DST: variants seen among roughly 807,000 people sequenced by gnomAD.
The protein encoded by DST is dystonin, also known as bullous pemphigoid antigen.
A neutral mutation model predicts 875.2 loss-of-function variants in DST; 253 were observed. The observed-to-expected ratio is 0.29, with a 90% CI of 0.26 to 0.32. The LOEUF (loss-of-function observed/expected upper bound fraction) is 0.32, where lower values mean the gene tolerates loss of function less well. Ranked by LOEUF, DST falls within the 10% of genes least tolerant of loss-of-function variation. DST has a pLI of 1.00. For missense variants in DST, 8,287 were observed against 9,111.6 expected, an observed-to-expected ratio of 0.91 and a Z score of 3.68; for synonymous variants, 3,124 against 3,197.1, an observed-to-expected ratio of 0.98 and a Z score of 0.77.
intron 4 of DST, among the ~76,000 whole-genome samples, chr6:56,821,084 T>G (rs1018285000): frequency 6.6e-6 from 1 of 152,220 alleles, no homozygotes; most frequent in African/African-American, 2.4e-5. Context: ...TGCCAAACTG[T>G]CATCAGATAC....
intron 47 of DST, among the ~76,000 whole-genome samples, chr6:56,595,154 C>T (rs1480941410): frequency 2.0e-5 from 3 of 152,200 alleles, no homozygotes; most frequent in Admixed American, 1.3e-4. Flanking sequence ...AGCCAAATGA[C>T]CCGCTCCCAT....
chr6:56,843,732 G>C (rs2099803625), intron 4 of DST: 1 of 126,276 alleles, frequency 7.9e-6, no homozygotes, highest in Non-Finnish European at 1.2e-5. Flanking sequence ...AGGGTGGAGA[G>C]TGGAGGGTGG....
intron 2 of DST, among the ~76,000 whole-genome samples, chr6:56,932,120 G>C (rs1810650741): frequency 6.6e-6 from 1 of 152,178 alleles, no homozygotes; most frequent in Admixed American, 6.5e-5. Context: ...CCCATGTGTT[G>C]TGGGAAGGAT....
At chr6:56,751,273 G>T (rs985505582) in intron 4 of DST, among the ~76,000 whole-genome samples, 1 of 152,022 alleles carries the variant, frequency 6.6e-6, no homozygotes, top group South Asian at 2.1e-4. Flanking sequence ...AAAAGATTAC[G>T]CATTGATTAA....
chr6:56,856,480 CA>C (rs200121381), intron 3 of DST, among the ~76,000 whole-genome samples: 4 of 151,486 alleles, frequency 2.6e-5, no homozygotes, highest in Non-Finnish European at 4.4e-5. Flanking sequence ...AAATATTCAC[CA>C]AAAAAAACCC....
rs1564002899 is a variant in DST, at chr6:56,751,444, AT to A, written c.626-16156del. Among the ~76,000 whole-genome samples the A allele has an allele frequency of 3.3e-5, 5 of 150,190 alleles. No individual in the cohort carries two copies. In the East Asian group the frequency reaches 5.8e-4, roughly 17 times the overall value. On this transcript the variant is annotated intron_variant, in intron 4 of 103. Coordinates refer to ENST00000680361, the MANE Select transcript of DST (RefSeq NM_001374736.1). ...TCCAATTTTTCTTCAAAGAATATCT[AT>A]TTTTTAACAATTATTTTTTTACAGC...
chr6:56,565,003 CA>C (rs1363985494), intron 55 of DST, among the ~76,000 whole-genome samples: 1 of 152,002 alleles, frequency 6.6e-6, no homozygotes, highest in East Asian at 1.9e-4. Context: ...CGATGTTCAT[CA>C]GGGATCTTGG....
intron 68 of DST, among the ~76,000 whole-genome samples, chr6:56,526,768 C>G (rs1036604726): frequency 6.6e-6 from 1 of 150,410 alleles, no homozygotes; most frequent in Non-Finnish European, 1.5e-5. Context: ...CTGAGAAGTT[C>G]AAAGAACAAT....
At chr6:56,707,007 A>C (rs2099343768) in intron 5 of DST, among the ~76,000 whole-genome samples, 1 of 152,184 alleles carries the variant, frequency 6.6e-6, no homozygotes, top group African/African-American at 2.4e-5. Context: ...TCTGTCTCAA[A>C]AAACAAACAA....
rs2095439766 is a variant in DST, at chr6:56,482,655, AC to A, written c.21402+27del. 3.1e-6 allele frequency: 5 copies of A among 1,598,006 alleles called. No individual in the cohort carries two copies. The South Asian group carries it at 4.5e-5, about 14-fold the overall frequency. Reference sequence around the variant, plus strand: ...GAGGTTTCAATACTTTTCCCATTACACCCAGCTCTCATTTACATGGTTTTTA... The same window carrying A: ...GAGGTTTCAATACTTTTCCCATTACACCAGCTCTCATTTACATGGTTTTTA... On this transcript the variant is annotated intron_variant, in intron 89 of 103. Coordinates refer to ENST00000680361, the MANE Select transcript of DST (RefSeq NM_001374736.1).
chr6:56,605,825 CAA>C lies in DST; in HGVS notation c.8801_8802del (p.Phe2934TrpfsTer8), dbSNP rs769014189. 6.2e-7 allele frequency: 1 copy of C among 1,612,270 alleles called. No individual in the cohort carries two copies. Among genetic ancestry groups the C allele is most frequent in the Non-Finnish European group, 8.5e-7 (1 of 1,179,144 alleles). ...IIKDTESEKT[F>X]GPASISHDNN... ...TTATCATGTGAAATACTTGCAGGGCCAAAAGTTTTTTCAGATTCAGTGTCTTT... is the reference window on the plus strand; with the variant it reads ...TTATCATGTGAAATACTTGCAGGGCCAAGTTTTTTCAGATTCAGTGTCTTT... On this transcript the variant is annotated frameshift_variant, in exon 40 of 104. Transcript: ENST00000680361. LOFTEE classifies it high-confidence loss of function.
chr6:56,742,981 C>G (rs965414167), intron 4 of DST, among the ~76,000 whole-genome samples: 1 of 152,182 alleles, frequency 6.6e-6, no homozygotes, highest in African/African-American at 2.4e-5. Flanking sequence ...GATTAACAAT[C>G]TAGCCTAAAA....
rs1461201446 is a variant in DST at position 56,636,562 on chromosome 6, A to G, written c.3055T>C (p.Phe1019Leu). 1 of 1,612,530 alleles carries G rather than the reference A, an allele frequency of 6.2e-7. No individual in the cohort carries two copies. The highest frequency in any genetic ancestry group is 1.1e-5 in the South Asian group (1 of 91,074). Reference sequence around the variant, plus strand: ...TTATGATTCTACTCACATACCTCGAAATACGCTGTGTTCTCCTTTATGTGC... The same window carrying G: ...TTATGATTCTACTCACATACCTCGAGATACGCTGTGTTCTCCTTTATGTGC... Reference protein sequence around the residue: ...EQHIKENTAYFEFFNDAKEAT... With the variant: ...EQHIKENTAYLEFFNDAKEAT... The change falls in exon 23 of 104, where the codon TTC (phenylalanine) becomes CTC (leucine). Residue 1019 changes from phenylalanine (F) to leucine (L), a missense_variant. Around this residue, in one of 10 missense-constraint regions of DST, gnomAD observed 1,160 missense variants for 1,424.3 expected, o/e 0.81. Transcript: ENST00000680361.
chr6:56,780,006 G>C (rs1289310730), intron 4 of DST, among the ~76,000 whole-genome samples: 1 of 150,736 alleles, frequency 6.6e-6, no homozygotes, highest in Non-Finnish European at 1.5e-5. Flanking sequence ...ATAGTTTACT[G>C]AGAATGATGA....
At chr6:56,667,893 G>A (rs572899995) in intron 10 of DST, among the ~76,000 whole-genome samples, 203 of 151,710 alleles carry the variant, frequency 1.3e-3, no homozygotes, top group African/African-American at 3.7e-3. Context: ...CAGAGACAAT[G>A]TCCAGAGGCC....
At chr6:56,497,188 GAAAT>G (rs1468967747) in intron 82 of DST, among the ~76,000 whole-genome samples, 187 bp downstream of exon 82, 3 of 152,010 alleles carry the variant, frequency 2.0e-5, no homozygotes, top group Non-Finnish European at 4.4e-5. Flanking sequence ...AAAAAAGAAA[GAAAT>G]AAAGAATGGG....
At chr6:56,882,105 A>G (rs1782501732) in intron 3 of DST, among the ~76,000 whole-genome samples, 1 of 151,972 alleles carries the variant, frequency 6.6e-6, no homozygotes, top group African/African-American at 2.4e-5. Context: ...GAAATGCAGA[A>G]GGAGAAAAGG....
At position 56,489,482 on chromosome 6, in the gene DST, G is replaced by A. The variant is rs1187544101; in HGVS notation, c.20877+8C>T. ...GAGACAATATGCTCTTCTTAATTATGGACCCACCTTATGTTGTGCAAGTTG... is the reference window on the plus strand; with the variant it reads ...GAGACAATATGCTCTTCTTAATTATAGACCCACCTTATGTTGTGCAAGTTG... On this transcript the variant is annotated splice_region_variant and intron_variant, in intron 86 of 103. Transcript: ENST00000680361. 2 of 1,608,206 alleles carry A rather than the reference G, an allele frequency of 1.2e-6. No individual in the cohort carries two copies. The highest frequency in any genetic ancestry group is 1.3e-5 in the African/African-American group (1 of 74,616).
intron 4 of DST, among the ~76,000 whole-genome samples, chr6:56,752,438 A>C (rs903624107): frequency 2.0e-5 from 3 of 152,150 alleles, no homozygotes; most frequent in African/African-American, 7.2e-5. Context: ...CAAGATAAAG[A>C]ACATTTTCAT....
Sources: allele counts gnomAD v4.1 joint callset (sites outside exome capture counted in the v4.1 genomes callset), GRCh38; gene constraint gnomAD v4.1.1; regional missense constraint gnomAD v4.1.1; transcripts MANE v1.5; gene names NCBI Gene and HGNC (gene_info 2026-07-23, HGNC 2026-07-21).